The following DAB1 variants were observed in gnomAD, a reference collection of about 807,000 sequenced individuals.
The protein encoded by DAB1 is DAB adaptor protein 1.
A neutral mutation model predicts 64.6 loss-of-function variants in DAB1; 15 were observed. The observed-to-expected ratio is 0.23, with a 90% CI of 0.16 to 0.36. The LOEUF (loss-of-function observed/expected upper bound fraction) is 0.36, where lower values mean the gene tolerates loss of function less well. Ranked by LOEUF, DAB1 falls within the 10% of genes least tolerant of loss-of-function variation. The probability of loss-of-function intolerance (pLI) is 1.00; values close to 1 mark genes in which losing one functional copy is unlikely to be tolerated. For synonymous variants in DAB1, 235 were observed against 251.9 expected (o/e 0.93, Z 0.64); for missense variants, 596 against 706.7 (o/e 0.84, Z 1.78).
intron 6 of DAB1, among the ~76,000 whole-genome samples, chr1:57,670,553 G>A (rs775056181): frequency 6.6e-6 from 1 of 152,028 alleles, no homozygotes; most frequent in African/African-American, 2.4e-5. Flanking sequence ...TCAAAAAGAG[G>A]GAAATTCTTA....
intron 7 of DAB1, among the ~76,000 whole-genome samples, chr1:57,520,595 T>A (rs568563727): frequency 4.7e-4 from 71 of 152,272 alleles, no homozygotes; most frequent in Non-Finnish European, 7.8e-4. Flanking sequence ...TTGAAAAAAA[T>A]GTCTATTAGA....
intron 7 of DAB1, among the ~76,000 whole-genome samples, chr1:57,542,981 G>C (rs1644820039): frequency 6.6e-6 from 1 of 152,158 alleles, no homozygotes; most frequent in Non-Finnish European, 1.5e-5. Context: ...AGAGGTTACT[G>C]TGAAGAGGAA....
intron 4 of DAB1, among the ~76,000 whole-genome samples, chr1:58,221,463 T>C (rs1659167252): frequency 1.3e-5 from 2 of 152,212 alleles, no homozygotes; most frequent in Admixed American, 1.3e-4. Context: ...TGGCACATGC[T>C]TGCAAGCAAA....
intron 3 of DAB1, among the ~76,000 whole-genome samples, chr1:58,407,638 G>T (rs1428433913): frequency 6.6e-6 from 1 of 152,116 alleles, no homozygotes; most frequent in Non-Finnish European, 1.5e-5. Flanking sequence ...CATGTCAATA[G>T]TGCTGAGGTT....
At chr1:57,207,392 T>C (rs1316052823) in intron 2 of DAB1, among the ~76,000 whole-genome samples, 2 of 151,570 alleles carry the variant, frequency 1.3e-5, no homozygotes, top group Non-Finnish European at 2.9e-5. Context: ...TACTTTCATG[T>C]TCATTTATAA....
At chr1:58,116,146 A>C (rs536155557) in intron 5 of DAB1, among the ~76,000 whole-genome samples, 89 of 152,306 alleles carry the variant, frequency 5.8e-4, no homozygotes, top group African/African-American at 2.1e-3. Context: ...CTGCTGAAAA[A>C]ATTCTAAGAA....
chr1:57,683,718 G>A (rs1646663503), intron 6 of DAB1, among the ~76,000 whole-genome samples: 1 of 152,136 alleles, frequency 6.6e-6, no homozygotes, highest in African/African-American at 2.4e-5. Flanking sequence ...AGTTAAAAAA[G>A]CAAGAGTATC....
At position 57,854,263 on chromosome 1, in the gene DAB1, A is replaced by C. The variant is rs148543117; in HGVS notation, n.88-27808T>G. 4.2e-3 allele frequency among the ~76,000 whole-genome samples: 644 copies of C among 152,272 alleles called. 4 individuals carry two copies. The highest frequency in any genetic ancestry group is 0.014 in the Middle Eastern group (4 of 294). On this transcript the variant is annotated intron_variant and non_coding_transcript_variant, in intron 1 of 1. Coordinates refer to the DAB1 transcript ENST00000477280. ...TTTAGCTCAGATGAATAAATACTAC[A>C]GCCTTGCTAAAACAGAAAAACAGTA...
At chr1:57,391,556 G>T (rs1240691384) in intron 1 of DAB1, among the ~76,000 whole-genome samples, 3 of 152,044 alleles carry the variant, frequency 2.0e-5, no homozygotes, top group Non-Finnish European at 2.9e-5. Flanking sequence ...ATATGTTGTG[G>T]ATTCATTATT....
chr1:58,269,395 T>G (rs1661258325), intron 4 of DAB1, among the ~76,000 whole-genome samples: 1 of 150,124 alleles, frequency 6.7e-6, no homozygotes, highest in African/African-American at 2.4e-5. Flanking sequence ...GTGCCACATT[T>G]TCTTAATCCA....
chr1:57,596,700 T>C (rs1176042350), intron 7 of DAB1, among the ~76,000 whole-genome samples: 1 of 152,138 alleles, frequency 6.6e-6, no homozygotes. Flanking sequence ...ACAACAATAT[T>C]ATTATGTTTC....
intron 6 of DAB1, among the ~76,000 whole-genome samples, chr1:57,697,422 T>TA (rs56655539): frequency 0.055 from 3,166 of 57,878 alleles, 189 homozygotes; most frequent in African/African-American, 0.074. Context: ...CTCACGTTTC[T>TA]AAAAAAAAAA....
chr1:57,074,570 T>C (rs1182497625), intron 4 of DAB1, among the ~76,000 whole-genome samples: 1 of 152,198 alleles, frequency 6.6e-6, no homozygotes, highest in Non-Finnish European at 1.5e-5. Context: ...CATTTGACCT[T>C]ATAAATCATT....
chr1:58,370,635 C>A (rs903370855), intron 3 of DAB1, among the ~76,000 whole-genome samples: 1 of 152,070 alleles, frequency 6.6e-6, no homozygotes, highest in African/African-American at 2.4e-5. Context: ...TGTCCTCACC[C>A]AAATCTCATG....
chr1:57,451,931 T>C (rs1175043937), intron 7 of DAB1, among the ~76,000 whole-genome samples: 4 of 152,106 alleles, frequency 2.6e-5, no homozygotes, highest in Non-Finnish European at 5.9e-5. Flanking sequence ...AAGGTTCCTT[T>C]ATAACCTTAT....
chr1:57,216,708 G>C (rs2100359151), intron 2 of DAB1, among the ~76,000 whole-genome samples: 1 of 152,270 alleles, frequency 6.6e-6, no homozygotes, highest in East Asian at 1.9e-4. Context: ...TTATTTATAT[G>C]CCACTTTGTA....
intron 5 of DAB1, among the ~76,000 whole-genome samples, chr1:58,128,217 C>A (rs200100849): frequency 0.27 from 40,580 of 149,480 alleles, 6,007 homozygotes; most frequent in East Asian, 0.42. Flanking sequence ...TTCTCTTTGA[C>A]GCAATTGTGA....
intron 5 of DAB1, among the ~76,000 whole-genome samples, chr1:57,905,000 C>T (rs1179991931): frequency 6.6e-6 from 1 of 152,078 alleles, no homozygotes; most frequent in Non-Finnish European, 1.5e-5. Flanking sequence ...ATGATAATAG[C>T]TAACATTTAT....
At chr1:57,777,358 G>A (rs1232578238) in intron 6 of DAB1, among the ~76,000 whole-genome samples, 2 of 147,534 alleles carry the variant, frequency 1.4e-5, no homozygotes, top group African/African-American at 5.0e-5. Flanking sequence ...AGTCAAATTT[G>A]GAATGTTGTC....
Sources: allele counts gnomAD v4.1 joint callset (sites outside exome capture counted in the v4.1 genomes callset), GRCh38; gene constraint gnomAD v4.1.1; transcripts MANE v1.5; gene names NCBI Gene and HGNC (gene_info 2026-07-23, HGNC 2026-07-21).